Variants in CTNNA3 observed in about 807,000 individuals in gnomAD.
CTNNA3 encodes the protein catenin alpha-3.
A neutral mutation model predicts 95.7 loss-of-function variants in CTNNA3; 76 were observed. That is an observed-to-expected ratio of 0.79 (90% CI 0.66 to 0.96). The LOEUF is 0.96. Among genes scored for constraint, CTNNA3 ranks in the 40% least tolerant of loss-of-function variants. CTNNA3 has a pLI of 0.00. For synonymous variants in CTNNA3, 431 were observed against 374.4 expected, an observed-to-expected ratio of 1.15 and a Z score of -1.74; for missense variants, 1,191 against 1,089.8, an observed-to-expected ratio of 1.09 and a Z score of -1.31.
chr10:67,132,209 C>T (rs1860046787), intron 7 of CTNNA3, among the ~76,000 whole-genome samples: 1 of 152,044 alleles, frequency 6.6e-6, no homozygotes, highest in South Asian at 2.1e-4. Flanking sequence ...GTGCTAAATA[C>T]ATTGCAAAGC....
chr10:66,055,430 T>G (rs2080060583), intron 15 of CTNNA3, among the ~76,000 whole-genome samples: 1 of 152,214 alleles, frequency 6.6e-6, no homozygotes, highest in South Asian at 2.1e-4. Flanking sequence ...TACAGATATT[T>G]CACTTCTTTG....
intron 13 of CTNNA3, among the ~76,000 whole-genome samples, chr10:66,216,839 T>C (rs1283561286): frequency 6.6e-6 from 1 of 152,176 alleles, no homozygotes; most frequent in Non-Finnish European, 1.5e-5. Context: ...GAAGTTGTCA[T>C]TGGTGCAATA....
chr10:67,037,572 A>G (rs1854140302), intron 7 of CTNNA3, among the ~76,000 whole-genome samples: 1 of 152,164 alleles, frequency 6.6e-6, no homozygotes, highest in Admixed American at 6.5e-5. Context: ...ATTTGAATGA[A>G]GTATGACTGG....
At chr10:66,387,779 G>T (rs890430008) in intron 11 of CTNNA3, among the ~76,000 whole-genome samples, 1 of 152,128 alleles carries the variant, frequency 6.6e-6, no homozygotes, top group Non-Finnish European at 1.5e-5. Context: ...AACAGGATGA[G>T]TTCATGTCCT....
intron 10 of CTNNA3, among the ~76,000 whole-genome samples, chr10:66,543,915 A>G (rs1332765737): frequency 2.2e-3 from 18 of 8,240 alleles, no homozygotes; most frequent in African/African-American, 5.9e-3. Context: ...GTGTGTGTAT[A>G]TATATATATA....
intron 16 of CTNNA3, among the ~76,000 whole-genome samples, chr10:65,973,769 C>G (rs1404639178): frequency 6.6e-6 from 1 of 152,020 alleles, no homozygotes; most frequent in East Asian, 1.9e-4. Context: ...GTGCCACACA[C>G]TTTTAAATGA....
chr10:65,986,695 G>T (rs1482914707), intron 16 of CTNNA3, among the ~76,000 whole-genome samples: 1 of 139,000 alleles, frequency 7.2e-6, no homozygotes, highest in Non-Finnish European at 1.6e-5. Context: ...TTTTTACATA[G>T]ATAGAAAAAA....
rs868252439 is a variant in CTNNA3 at position 67,762,382 on chromosome 10, C to A, written c.-2+1052G>T. ...ATTGTCTTGCTTTCCCCTCCCCCCCCCAAAAAAAAAAAAGCCCTCTCAAAG... is the reference window on the plus strand; with the variant it reads ...ATTGTCTTGCTTTCCCCTCCCCCCCACAAAAAAAAAAAAGCCCTCTCAAAG... On this transcript the variant is annotated intron_variant, in intron 1 of 17. Coordinates refer to the CTNNA3 transcript ENST00000684154. 7.6e-3 allele frequency among the ~76,000 whole-genome samples: 1,105 copies of A among 145,172 alleles called. 22 individuals are homozygous for A. Among genetic ancestry groups the A allele is most frequent in the African/African-American group, 0.027 (1,040 of 38,470 alleles).
At chr10:66,194,768 C>G (rs1021177088) in intron 13 of CTNNA3, among the ~76,000 whole-genome samples, 4 of 152,232 alleles carry the variant, frequency 2.6e-5, no homozygotes, top group African/African-American at 9.6e-5. Context: ...GTCCTCACAG[C>G]ACCTCATTAT....
chr10:67,475,185 C>G (rs1397186391), intron 5 of CTNNA3, among the ~76,000 whole-genome samples: 1 of 152,204 alleles, frequency 6.6e-6, no homozygotes. Flanking sequence ...CACATTATTA[C>G]ATGATTCCAT....
chr10:66,433,736 G>C (rs2093316007), intron 11 of CTNNA3, among the ~76,000 whole-genome samples: 1 of 152,154 alleles, frequency 6.6e-6, no homozygotes, highest in East Asian at 1.9e-4. Context: ...GTCCTGAATG[G>C]TACTGCCTAG....
intron 11 of CTNNA3, among the ~76,000 whole-genome samples, chr10:66,431,924 T>A (rs917709125): frequency 6.6e-6 from 1 of 152,078 alleles, no homozygotes; most frequent in African/African-American, 2.4e-5. Flanking sequence ...AATCATTGTA[T>A]TAATCTGTGA....
At position 66,614,186 on chromosome 10, in the gene CTNNA3, C is replaced by T. The variant is rs962875985; in HGVS notation, c.1374+7506G>A. 6.6e-4 allele frequency among the ~76,000 whole-genome samples: 101 copies of T among 151,998 alleles called. 10 individuals are homozygous for T. The highest frequency in any genetic ancestry group is 1.2e-4 in the Non-Finnish European group (8 of 67,974). ...CAGTCACTTCACATGACTTGTACTT[C>T]AACAGACAAAGTGTCATACTGGGAC... On this transcript the variant is annotated intron_variant, in intron 10 of 17. Coordinates refer to ENST00000433211, the MANE Select transcript of CTNNA3 (RefSeq NM_013266.4).
chr10:67,212,843 C>A (rs1216944479), intron 6 of CTNNA3, among the ~76,000 whole-genome samples: 1 of 151,720 alleles, frequency 6.6e-6, no homozygotes, highest in Non-Finnish European at 1.5e-5. Flanking sequence ...AGTTTATTCA[C>A]ATTTTGTTTG....
intron 7 of CTNNA3, among the ~76,000 whole-genome samples, chr10:66,924,771 T>C (rs751162355): frequency 1.7e-4 from 26 of 152,352 alleles, no homozygotes; most frequent in Middle Eastern, 3.4e-3. Context: ...AACATACAGA[T>C]ATTAAAATGA....
intron 11 of CTNNA3, among the ~76,000 whole-genome samples, chr10:66,390,158 A>T (rs938682344): frequency 2.0e-5 from 3 of 152,188 alleles, no homozygotes. Context: ...CCAAAGTAGA[A>T]TTTTATAAAT....
chr10:67,685,632 T>G (rs1840716310), intron 1 of CTNNA3, among the ~76,000 whole-genome samples: 1 of 152,254 alleles, frequency 6.6e-6, no homozygotes, highest in African/African-American at 2.4e-5. Flanking sequence ...TTGTTTACAC[T>G]GACAACAAGG....
intron 7 of CTNNA3, among the ~76,000 whole-genome samples, chr10:66,863,993 A>C: frequency 6.6e-6 from 1 of 152,164 alleles, no homozygotes; most frequent in East Asian, 1.9e-4. Flanking sequence ...GTCAATTTCT[A>C]CCAAAATCCT....
intron 5 of CTNNA3, among the ~76,000 whole-genome samples, chr10:67,384,462 G>T (rs535097211): frequency 6.6e-6 from 1 of 152,170 alleles, no homozygotes; most frequent in African/African-American, 2.4e-5. Flanking sequence ...CATAGACATG[G>T]TTTTTCTTGT....
Sources: gnomAD v4.1 joint callset for allele counts (sites outside exome capture counted in the v4.1 genomes callset) on GRCh38, gnomAD v4.1.1 for gene constraint, MANE v1.5 for transcripts, NCBI Gene and HGNC (gene_info 2026-07-23, HGNC 2026-07-21) for gene names.